The following APOLD1 variants were observed in gnomAD, a reference collection of about 807,000 sequenced individuals.
APOLD1 encodes apolipoprotein L domain containing 1, also known as apolipoprotein L domain-containing protein 1.
APOLD1 carries 22 observed loss-of-function variants against 15.3 expected under a neutral mutation model. The observed-to-expected ratio is 1.44, with a 90% CI of 1.03 to 2.05. The LOEUF is 2.05. APOLD1 is among the 30% of genes most tolerant of loss of function. The pLI is 0.00. For synonymous variants in APOLD1, 190 were observed against 167.4 expected (o/e 1.13, Z -1.04); for missense variants, 394 against 353.5 (o/e 1.11, Z -0.92).
chr12:12,747,437 G>A (rs2136377637), intron 1 of APOLD1, among the ~76,000 whole-genome samples: 1 of 152,342 alleles, frequency 6.6e-6, no homozygotes, highest in East Asian at 1.9e-4. Flanking sequence ...AGCATGCTCA[G>A]CTTATCCTGT....
At chr12:12,726,480 G>A (rs1946594769) in intron 1 of APOLD1, 1 of 277,044 alleles carries the variant, frequency 3.6e-6, no homozygotes, top group Non-Finnish European at 7.2e-6. Flanking sequence ...TTATGAATTA[G>A]AACCCAATTA....
intron 1 of APOLD1, among the ~76,000 whole-genome samples, chr12:12,733,086 G>A (rs750143723): frequency 2.0e-5 from 3 of 151,784 alleles, no homozygotes; most frequent in Non-Finnish European, 4.4e-5. Flanking sequence ...GACCGAGAGA[G>A]GCAGATGGAT....
At chr12:12,771,234 C>T (rs963047746) in intron 1 of APOLD1, 6 of 172,320 alleles carry the variant, frequency 3.5e-5, no homozygotes, top group Admixed American at 6.1e-5. Context: ...TAACAGATAA[C>T]ATTTTTTTTT....
At chr12:12,767,109 G>A (rs547874972) in intron 1 of APOLD1, among the ~76,000 whole-genome samples, 6 of 151,968 alleles carry the variant, frequency 3.9e-5, no homozygotes, top group African/African-American at 1.4e-4. Context: ...AGCCGGGTGT[G>A]GTGGTGCATG....
At position 12,786,919 on chromosome 12, in the gene APOLD1, G is replaced by A. The variant is rs1453581527; in HGVS notation, c.14G>A (p.Arg5Lys). 3.5e-6 allele frequency: 5 copies of A among 1,447,240 alleles called. No homozygotes were observed. Among genetic ancestry groups the A allele is most frequent in the African/African-American group, 1.5e-5 (1 of 67,116 alleles). The allele number at this position is 1,447,240 out of a possible 1,614,324, so 89.6% of individuals were successfully genotyped here. A position where few individuals can be genotyped will look rare whatever the true frequency, so the allele number is the denominator to read the frequency against. The change falls in exon 2 of 2, where the codon AGG (arginine) becomes AAG (lysine). Residue 5 changes from arginine (R) to lysine (K), a missense_variant. Physicochemically the swap from Arg to Lys is conservative, Grantham distance 26. Coordinates refer to ENST00000356591, the MANE Select transcript of APOLD1 (RefSeq NM_030817.3). ...TCTATGTCCCCGCAGGGAATGGAGA[G>A]GCCGGCGGCCCGGGAGCCGCATGGG... The part of the protein sequence containing the change: MGME[R>K]PAAREPHGPD...
At chr12:12,761,188 G>A (rs910592255) in intron 1 of APOLD1, among the ~76,000 whole-genome samples, 2 of 152,144 alleles carry the variant, frequency 1.3e-5, no homozygotes, top group South Asian at 2.1e-4. Context: ...ACTTTTGCTG[G>A]TCAGATTAGT....
chr12:12,772,790 C>T (rs1946999280), intron 1 of APOLD1, among the ~76,000 whole-genome samples: 1 of 152,188 alleles, frequency 6.6e-6, no homozygotes, highest in East Asian at 1.9e-4. Flanking sequence ...AATGTCTACT[C>T]TCAGACCACA....
intron 1 of APOLD1, 173 bp from the exon 2 acceptor site, chr12:12,786,736 A>G (rs1947127515): frequency 2.3e-5 from 23 of 985,420 alleles, no homozygotes; most frequent in Non-Finnish European, 2.8e-5. Context: ...GGATTCCAGA[A>G]CAGGTCTTTG....
intron 1 of APOLD1, among the ~76,000 whole-genome samples, chr12:12,743,549 G>T (rs368832500): frequency 6.6e-6 from 1 of 152,142 alleles, no homozygotes; most frequent in Non-Finnish European, 1.5e-5. Flanking sequence ...CCTTGTCCCT[G>T]CTTTGTTTTC....
At chr12:12,760,738 G>A (rs1312393320) in intron 1 of APOLD1, among the ~76,000 whole-genome samples, 1 of 151,522 alleles carries the variant, frequency 6.6e-6, no homozygotes, top group African/African-American at 2.4e-5. Context: ...AAGAAAAAAG[G>A]CAAATCAATA....
intron 1 of APOLD1, among the ~76,000 whole-genome samples, chr12:12,772,389 G>A (rs1946995448): frequency 6.6e-6 from 1 of 152,078 alleles, no homozygotes; most frequent in Admixed American, 6.6e-5. Context: ...GAAGAAAGAG[G>A]GACATTACAT....
At chr12:12,776,160 A>T (rs976282890) in intron 1 of APOLD1, among the ~76,000 whole-genome samples, 1 of 152,190 alleles carries the variant, frequency 6.6e-6, no homozygotes, top group African/African-American at 2.4e-5. Flanking sequence ...TCTACTAAAA[A>T]TAGACTTTAA....
At position 12,761,835 on chromosome 12, in the gene APOLD1, A is replaced by AT. The variant is rs1565432774; in HGVS notation, c.97-25074_97-25073insT. ...TATACATATATGTATATGTATAGAG[A>AT]GAGAGAGAGAGAGAGAGAGAGAGAG... is the stretch of plus-strand genomic sequence containing the variant. On this transcript the variant is annotated intron_variant, in intron 1 of 1. Transcript: ENST00000326765. Among the ~76,000 whole-genome samples, 211 of 123,238 alleles carry AT rather than the reference A, an allele frequency of 1.7e-3. 2 individuals carry two copies. Among genetic ancestry groups the AT allele is most frequent in the African/African-American group, 6.0e-3 (129 of 21,602 alleles). 80.8% of individuals were successfully genotyped at this position (123,238 alleles called of 152,430 possible). A position where few individuals can be genotyped will look rare whatever the true frequency, so the allele number is the denominator to read the frequency against.
chr12:12,787,015 G>C lies in APOLD1; in HGVS notation c.110G>C (p.Arg37Pro). 2.2e-6 allele frequency: 3 copies of C among 1,390,880 alleles called. No homozygotes were observed. Among genetic ancestry groups the C allele is most frequent in the Non-Finnish European group, 1.8e-6 (2 of 1,084,226 alleles). The allele number at this position is 1,390,880 out of a possible 1,614,324, so 86.2% of individuals were successfully genotyped here. A position where few individuals can be genotyped will look rare whatever the true frequency, so the allele number is the denominator to read the frequency against. The change falls in exon 2 of 2, where the codon CGC (arginine) becomes CCC (proline). Residue 37 changes from arginine (R) to proline (P), a missense_variant. Arg to Pro is a moderately radical substitution (Grantham distance 103). Transcript: ENST00000356591. The surrounding 1 kb of genome is among the most constrained non-coding windows in gnomAD (Gnocchi z 4.9). Reference sequence around the variant, plus strand: ...GGCCGGCTGCACGGCCAGGTGCTGCGCCTGCGCGAGGTGGCCCGGCGCCTG... The same window carrying C: ...GGCCGGCTGCACGGCCAGGTGCTGCCCCTGCGCGAGGTGGCCCGGCGCCTG... ...RRGRLHGQVLRLREVARRLER... is the reference protein window; with the variant it reads ...RRGRLHGQVLPLREVARRLER...
chr12:12,766,956 GC>G (rs1295096271), intron 1 of APOLD1, among the ~76,000 whole-genome samples: 1 of 152,158 alleles, frequency 6.6e-6, no homozygotes, highest in East Asian at 1.9e-4. Flanking sequence ...ATAAGAGTTG[GC>G]CCCCTGGGCT....
At chr12:12,773,709 T>C (rs1374866919) in intron 1 of APOLD1, among the ~76,000 whole-genome samples, 1 of 152,174 alleles carries the variant, frequency 6.6e-6, no homozygotes, top group Non-Finnish European at 1.5e-5. Context: ...AAAGCTACAA[T>C]AATCAAGACA....
intron 1 of APOLD1, among the ~76,000 whole-genome samples, chr12:12,728,329 T>C (rs967362564): frequency 6.6e-6 from 1 of 152,102 alleles, no homozygotes; most frequent in Non-Finnish European, 1.5e-5. Context: ...ATATGTCTGA[T>C]GAACTCAGAC....
exon 1 of APOLD1, chr12:12,726,084 C>T: frequency 6.6e-7 from 1 of 1,509,230 alleles, no homozygotes; most frequent in Non-Finnish European, 8.9e-7. Flanking sequence ...GCACCTTCCC[C>T]TGCCTTGGAA....
intron 1 of APOLD1, among the ~76,000 whole-genome samples, chr12:12,755,409 A>C (rs1355749348): frequency 1.3e-5 from 2 of 152,254 alleles, no homozygotes; most frequent in African/African-American, 4.8e-5. Flanking sequence ...AAGATTGATA[A>C]TTTCAGTTAT....
Sources: allele counts gnomAD v4.1 joint callset (sites outside exome capture counted in the v4.1 genomes callset), GRCh38; gene constraint gnomAD v4.1.1; non-coding constraint Gnocchi (gnomAD v3.1); transcripts MANE v1.5; gene names NCBI Gene and HGNC (gene_info 2026-07-23, HGNC 2026-07-21).